CPB1: variants seen among roughly 807,000 people sequenced by gnomAD.
The protein encoded by CPB1 is carboxypeptidase B.
A neutral mutation model predicts 51.4 loss-of-function variants in CPB1; 53 were observed. That is an observed-to-expected ratio of 1.03 (90% CI 0.83 to 1.30). CPB1 has a LOEUF of 1.30. Among genes scored for constraint, CPB1 ranks in the 50% most tolerant of loss-of-function variants. The probability of loss-of-function intolerance (pLI) is 0.00; values close to 1 mark genes in which losing one functional copy is unlikely to be tolerated. For synonymous variants in CPB1, 189 were observed against 186.9 expected, an observed-to-expected ratio of 1.01 and a Z score of -0.09; for missense variants, 494 against 516.2, an observed-to-expected ratio of 0.96 and a Z score of 0.42.
At chr3:148,847,364 A>G (rs1488438108) in intron 9 of CPB1, among the ~76,000 whole-genome samples, 2 of 127,998 alleles carry the variant, frequency 1.6e-5, no homozygotes, top group Non-Finnish European at 3.3e-5. Context: ...AAGTCTCCAA[A>G]TCATTCTTAA....
At chr3:148,843,327 T>C (rs1423636166) in intron 6 of CPB1, among the ~76,000 whole-genome samples, 1 of 152,092 alleles carries the variant, frequency 6.6e-6, no homozygotes, top group Non-Finnish European at 1.5e-5. Flanking sequence ...TCTAAAATTA[T>C]TTCAAATTTA....
At chr3:148,858,498 G>T (rs1040645331) in intron 10 of CPB1, among the ~76,000 whole-genome samples, 4 of 152,046 alleles carry the variant, frequency 2.6e-5, no homozygotes, top group Non-Finnish European at 4.4e-5. Flanking sequence ...TTTGAACCTG[G>T]GAGGCGGAGG....
intron 9 of CPB1, among the ~76,000 whole-genome samples, chr3:148,846,713 A>T (rs1713250106): frequency 7.2e-6 from 1 of 139,754 alleles, no homozygotes; most frequent in African/African-American, 2.6e-5. Context: ...AAAGCTTTTC[A>T]TTTTTCCCCA....
rs1172546073 is a variant in CPB1 at position 148,827,985 on chromosome 3, A to G, written c.72-17A>G. On this transcript the variant is annotated splice_polypyrimidine_tract_variant and intron_variant, in intron 1 of 10. Transcript: ENST00000282957. ...CTCATTTCCAATTCTCTGTGCTTCTATTATCTCATTATTCAGCGAGAAGGT... is the reference window on the plus strand; with the variant it reads ...CTCATTTCCAATTCTCTGTGCTTCTGTTATCTCATTATTCAGCGAGAAGGT... 10 of 1,613,320 alleles carry G rather than the reference A, an allele frequency of 6.2e-6. No homozygotes were observed. Among genetic ancestry groups the G allele is most frequent in the Admixed American group, 1.7e-5 (1 of 59,964 alleles).
chr3:148,842,143 T>C (rs1475848823), intron 6 of CPB1, among the ~76,000 whole-genome samples: 1 of 152,070 alleles, frequency 6.6e-6, no homozygotes, highest in Non-Finnish European at 1.5e-5. Context: ...CCTAGCACTT[T>C]GGGAGGCCAA....
chr3:148,831,990 C>T (rs1474830221), intron 2 of CPB1, among the ~76,000 whole-genome samples: 1 of 152,114 alleles, frequency 6.6e-6, no homozygotes, highest in African/African-American at 2.4e-5. Flanking sequence ...GAGACTAACT[C>T]CAGTATAGTG....
intron 6 of CPB1, among the ~76,000 whole-genome samples, chr3:148,844,147 A>C (rs919041728): frequency 1.3e-5 from 2 of 152,180 alleles, no homozygotes; most frequent in Non-Finnish European, 2.9e-5. Context: ...CTTTGTAAAA[A>C]GCTATTGTAG....
chr3:148,830,522 TAGAA>T (rs1712701393), intron 2 of CPB1, among the ~76,000 whole-genome samples: 1 of 152,130 alleles, frequency 6.6e-6, no homozygotes, highest in South Asian at 2.1e-4. Flanking sequence ...GTAAAGCAAT[TAGAA>T]AGAACTTAAA....
chr3:148,856,743 G>C (rs1713576191), intron 9 of CPB1: 1 of 152,150 alleles, frequency 6.6e-6, no homozygotes, highest in African/African-American at 2.4e-5. Context: ...GGAGGGCAAT[G>C]GTTCTTATGA....
intron 9 of CPB1, among the ~76,000 whole-genome samples, chr3:148,850,108 A>G (rs969422098): frequency 6.6e-6 from 1 of 152,244 alleles, no homozygotes; most frequent in Non-Finnish European, 1.5e-5. Flanking sequence ...ATTCTGGCCC[A>G]TTCTTTTGAG....
At chr3:148,846,783 G>A (rs1713256601) in intron 9 of CPB1, among the ~76,000 whole-genome samples, 1 of 39,138 alleles carries the variant, frequency 2.6e-5, no homozygotes, top group Non-Finnish European at 5.2e-5. Context: ...ACATATATAT[G>A]TGTGTGTGCG....
intron 9 of CPB1, chr3:148,850,932 A>G (rs1235248389): frequency 6.6e-6 from 1 of 152,206 alleles, no homozygotes; most frequent in African/African-American, 2.4e-5. Flanking sequence ...CAAACTCAGA[A>G]TTCATTTAAT....
chr3:148,850,535 C>A (rs911453371), intron 9 of CPB1, among the ~76,000 whole-genome samples: 1 of 152,130 alleles, frequency 6.6e-6, no homozygotes, highest in African/African-American at 2.4e-5. Flanking sequence ...ATCTCCTGAC[C>A]TTGTGATCCG....
rs773801826 is a variant in CPB1 at position 148,840,947 on chromosome 3, T to C, written c.446T>C (p.Phe149Ser). The change falls in exon 5 of 11, where the codon TTT (phenylalanine) becomes TCT (serine). Residue 149 changes from phenylalanine to serine, a missense_variant. Coordinates refer to ENST00000282957, the MANE Select transcript of CPB1 (RefSeq NM_001871.3). Reference sequence around the variant, plus strand: ...TCTCGCAGTGTTATCGGAACCACATTTGAGGGACGCGCTATTTACCTCCTG... The same window carrying C: ...TCTCGCAGTGTTATCGGAACCACATCTGAGGGACGCGCTATTTACCTCCTG... ...LISRSVIGTT[F>S]EGRAIYLLKV... 4.3e-6 allele frequency: 7 copies of C among 1,613,958 alleles called. No individual in the cohort carries two copies. The highest frequency in any genetic ancestry group is 5.1e-6 in the Non-Finnish European group (6 of 1,179,998).
chr3:148,845,624 T>G lies in CPB1; in HGVS notation c.979T>G (p.Leu327Val). ...AYKLGENNAE[L>V]NALAKATVKE... Reference sequence around the variant, plus strand: ...CAAACTCGGTGAGAACAATGCTGAGTTGGTAAGTAGCAAAGTAGTAGGTAT... The same window carrying G: ...CAAACTCGGTGAGAACAATGCTGAGGTGGTAAGTAGCAAAGTAGTAGGTAT... The change falls in exon 9 of 11, where the codon TTG (leucine) becomes GTG (valine). Residue 327 changes from leucine (L) to valine (V), a missense_variant and splice_region_variant. Physicochemically the swap from Leu to Val is conservative, Grantham distance 32. Transcript: ENST00000282957. 1.9e-6 allele frequency: 3 copies of G among 1,611,648 alleles called. No homozygotes were observed. Among genetic ancestry groups the G allele is most frequent in the Non-Finnish European group, 2.5e-6 (3 of 1,177,862 alleles).
chr3:148,855,253 C>T (rs1465541394), intron 9 of CPB1: 2 of 152,102 alleles, frequency 1.3e-5, no homozygotes, highest in Admixed American at 1.3e-4. Flanking sequence ...AGAACTTAGG[C>T]ATAAACTAAA....
chr3:148,844,486 T>C lies in CPB1; in HGVS notation c.585T>C (p.Arg195=). Residue 195 remains arginine, a synonymous_variant, in exon 7 of 11, where the codon CGT becomes CGC. Transcript: ENST00000282957. ...FCQWFVREAV[R]TYGREIQVTE... is the part of the protein sequence containing the mutation. ...TCATAATTCACATACAGGCTGTTCGTACCTATGGACGTGAGATCCAAGTGA... is the reference window on the plus strand; with the variant it reads ...TCATAATTCACATACAGGCTGTTCGCACCTATGGACGTGAGATCCAAGTGA... The C allele has an allele frequency of 6.2e-7, 1 of 1,613,112 alleles. No homozygotes were observed. The highest frequency in any genetic ancestry group is 8.5e-7 in the Non-Finnish European group (1 of 1,179,100).
At chr3:148,844,810 C>T in intron 8 of CPB1, 43 bp downstream of exon 8, 1 of 1,534,466 alleles carries the variant, frequency 6.5e-7, no homozygotes, top group Non-Finnish European at 9.0e-7. Flanking sequence ...CATTGAAAAA[C>T]ATAAGAGGAA....
intron 2 of CPB1, among the ~76,000 whole-genome samples, chr3:148,828,523 T>A (rs779470158): frequency 5.8e-4 from 89 of 152,218 alleles, no homozygotes; most frequent in Non-Finnish European, 1.2e-3. Context: ...TTCATGACCT[T>A]GATTCAGGTC....
Sources: allele counts gnomAD v4.1 joint callset (sites outside exome capture counted in the v4.1 genomes callset), GRCh38; gene constraint gnomAD v4.1.1; transcripts MANE v1.5; gene names NCBI Gene and HGNC (gene_info 2026-07-23, HGNC 2026-07-21).